The following PTPN2 variants were observed in gnomAD, a reference collection of about 807,000 sequenced individuals.
PTPN2 encodes the protein protein tyrosine phosphatase non-receptor type 2.
A neutral mutation model predicts 57.3 loss-of-function variants in PTPN2; 19 were observed. That is an observed-to-expected ratio of 0.33 (90% CI 0.23 to 0.49). The LOEUF (loss-of-function observed/expected upper bound fraction) is 0.49. Ranked by LOEUF, PTPN2 falls within the 20% of genes least tolerant of loss-of-function variation. The pLI is 0.99. For missense variants in PTPN2, 358 were observed against 501.1 expected, an observed-to-expected ratio of 0.71 and a Z score of 2.73; for synonymous variants, 153 against 164.9, an observed-to-expected ratio of 0.93 and a Z score of 0.55.
intron 1 of PTPN2, among the ~76,000 whole-genome samples, chr18:12,870,301 G>GTATATATATGTA (rs2044157964): frequency 1.9e-5 from 1 of 53,240 alleles, no homozygotes; most frequent in African/African-American, 1.4e-4. Context: ...ATATATATGT[G>GTATATATATGTA]TATATATACA....
intron 1 of PTPN2, among the ~76,000 whole-genome samples, chr18:12,868,655 C>T (rs75917671): frequency 2.7e-5 from 4 of 150,246 alleles, no homozygotes; most frequent in African/African-American, 4.9e-5. Context: ...AACTTCAGGC[C>T]GGGCGTGGTG....
chr18:12,864,039 C>T (rs2043909011), intron 1 of PTPN2: 1 of 152,100 alleles, frequency 6.6e-6, no homozygotes, highest in Admixed American at 6.5e-5. Context: ...GTGGTACATC[C>T]AAGTGAATAT....
At chr18:12,816,463 G>A (rs1272140399) in intron 6 of PTPN2, among the ~76,000 whole-genome samples, 1 of 152,152 alleles carries the variant, frequency 6.6e-6, no homozygotes, top group East Asian at 1.9e-4. Flanking sequence ...ATTATTGTTG[G>A]GTTTGATCCT....
At position 12,792,839 on chromosome 18, in the gene PTPN2, C is replaced by A; in HGVS notation, c.*1439G>T. 1 of 858,794 alleles carries A rather than the reference C, an allele frequency of 1.2e-6. No homozygotes were observed. The highest frequency in any genetic ancestry group is 1.4e-6 in the Non-Finnish European group (1 of 714,782). 53.2% of individuals were successfully genotyped at this position (858,794 alleles called of 1,614,324 possible). A position where few individuals can be genotyped will look rare whatever the true frequency, so the allele number is the denominator to read the frequency against. On this transcript the variant is annotated 3_prime_UTR_variant, in exon 9 of 9. Coordinates refer to ENST00000309660, the MANE Select transcript of PTPN2 (RefSeq NM_002828.4). ...CTCCTGACCTCAGGTGATCTGCCCA[C>A]TTCAGCCTCCCAAAGTGCTGGGATT...
intron 2 of PTPN2, among the ~76,000 whole-genome samples, chr18:12,845,102 T>A (rs895977043): frequency 6.6e-6 from 1 of 152,246 alleles, no homozygotes; most frequent in East Asian, 1.9e-4. Context: ...CTTCTAGTTT[T>A]TATTTTCCAA....
chr18:12,811,928 A>G (rs1349438419), intron 7 of PTPN2, among the ~76,000 whole-genome samples: 1 of 152,198 alleles, frequency 6.6e-6, no homozygotes, highest in African/African-American at 2.4e-5. Context: ...CCCTAGCTCT[A>G]CCCATTTCTC....
At chr18:12,837,521 A>G (rs1057037934) in intron 2 of PTPN2, among the ~76,000 whole-genome samples, 3 of 152,204 alleles carry the variant, frequency 2.0e-5, no homozygotes, top group Non-Finnish European at 4.4e-5. Flanking sequence ...ATAGATTGAG[A>G]ATTTATGCTA....
intron 1 of PTPN2, among the ~76,000 whole-genome samples, chr18:12,867,191 T>C (rs927886348): frequency 3.5e-4 from 53 of 152,126 alleles, no homozygotes; most frequent in African/African-American, 1.2e-3. Context: ...TAGTGATGCG[T>C]GCCTGCAGTC....
intron 2 of PTPN2, among the ~76,000 whole-genome samples, chr18:12,849,609 C>A (rs1035412044): frequency 3.3e-5 from 5 of 152,054 alleles, no homozygotes; most frequent in Non-Finnish European, 5.9e-5. Context: ...GTTAGCTACC[C>A]TTACATTCCT....
chr18:12,802,742 G>A (rs191831841), intron 7 of PTPN2, among the ~76,000 whole-genome samples: 26 of 152,260 alleles, frequency 1.7e-4, no homozygotes, highest in African/African-American at 5.5e-4. Flanking sequence ...AGTGCTGAAA[G>A]ATAACAACTA....
chr18:12,844,671 G>A (rs950383395), intron 2 of PTPN2, among the ~76,000 whole-genome samples: 1 of 152,148 alleles, frequency 6.6e-6, no homozygotes, highest in Non-Finnish European at 1.5e-5. Context: ...TGTCAGATAT[G>A]TGGTTTACAT....
At chr18:12,786,260 G>C (rs1332655951) in intron 9 of PTPN2, 1 of 173,592 alleles carries the variant, frequency 5.8e-6, no homozygotes, top group Non-Finnish European at 1.2e-5. Flanking sequence ...CAATGCAAAA[G>C]TCTAATCCAA....
chr18:12,799,088 T>C (rs1407502949), intron 8 of PTPN2, among the ~76,000 whole-genome samples: 1 of 152,052 alleles, frequency 6.6e-6, no homozygotes, highest in Non-Finnish European at 1.5e-5. Context: ...ACAATGAAAA[T>C]GAATACAAGA....
chr18:12,816,672 A>C lies in PTPN2; in HGVS notation c.705+484T>G, dbSNP rs931072933. 1.3e-5 allele frequency among the ~76,000 whole-genome samples: 2 copies of C among 152,208 alleles called. 1 individual carries two copies. The highest frequency in any genetic ancestry group is 4.1e-4 in the South Asian group (2 of 4,828). On this transcript the variant is annotated intron_variant, in intron 6 of 8. Transcript: ENST00000309660. ...CACAGACAGGAACCTCAGGGGAGTA[A>C]CAGTAATACTGACATTTATGGAATG... is the stretch of plus-strand genomic sequence containing the variant.
chr18:12,810,358 C>CT (rs1218307696), intron 7 of PTPN2, among the ~76,000 whole-genome samples: 3 of 151,970 alleles, frequency 2.0e-5, no homozygotes, highest in African/African-American at 7.3e-5. Context: ...CAGTGAAACT[C>CT]TGTTTCAAAA....
At chr18:12,826,849 G>A (rs1316433769) in intron 4 of PTPN2, among the ~76,000 whole-genome samples, 1 of 152,042 alleles carries the variant, frequency 6.6e-6, no homozygotes, top group Non-Finnish European at 1.5e-5. Flanking sequence ...GATTACAGGC[G>A]TGAGCCACCA....
chr18:12,792,801 G>A lies in PTPN2; in HGVS notation c.*1477C>T. ...AGATGGTGTTTCACCACGTTGGCCAGGCTGGTCTTGAACTCCTGACCTCAG... is the reference window on the plus strand; with the variant it reads ...AGATGGTGTTTCACCACGTTGGCCAAGCTGGTCTTGAACTCCTGACCTCAG... On this transcript the variant is annotated 3_prime_UTR_variant, in exon 9 of 9. Transcript: ENST00000309660. 6.9e-6 allele frequency: 4 copies of A among 583,304 alleles called. No homozygotes were observed. Among genetic ancestry groups the A allele is most frequent in the Non-Finnish European group, 8.6e-6 (4 of 462,914 alleles). 36.1% of individuals were successfully genotyped at this position (583,304 alleles called of 1,614,324 possible).
intron 1 of PTPN2, chr18:12,863,472 T>TC (rs1488445597): frequency 6.8e-6 from 1 of 146,394 alleles, no homozygotes; most frequent in Non-Finnish European, 1.5e-5. Context: ...AAAAAAAGTT[T>TC]CCCATCAGCA....
chr18:12,827,357 AT>A (rs145652883), intron 4 of PTPN2, among the ~76,000 whole-genome samples: 25,135 of 139,666 alleles, frequency 0.18, 2,464 homozygotes, highest in South Asian at 0.41. Flanking sequence ...AAAAAAAAAA[AT>A]AATAATAATA....
Sources: allele counts gnomAD v4.1 joint callset (sites outside exome capture counted in the v4.1 genomes callset), GRCh38; gene constraint gnomAD v4.1.1; transcripts MANE v1.5; gene names NCBI Gene and HGNC (gene_info 2026-07-23, HGNC 2026-07-21).